Variants in MYO18B observed in about 807,000 individuals in gnomAD.
The protein encoded by MYO18B is myosin XVIIIB.
In MYO18B, 204 loss-of-function variants were observed where a neutral mutation model predicts 273.0. The ratio of observed to expected loss-of-function variants is 0.75; its 90% CI spans 0.67 to 0.84. The LOEUF (loss-of-function observed/expected upper bound fraction) is 0.84. Among genes scored for constraint, MYO18B ranks in the 40% least tolerant of loss-of-function variants. MYO18B has a pLI of 0.00. For synonymous variants in MYO18B, 1,330 were observed against 1,305.7 expected (o/e 1.02, Z -0.40); for missense variants, 3,212 against 3,287.6 (o/e 0.98, Z 0.56).
At chr22:25,822,771 T>A (rs2089330545) in intron 12 of MYO18B, among the ~76,000 whole-genome samples, 1 of 152,194 alleles carries the variant, frequency 6.6e-6, no homozygotes, top group Admixed American at 6.5e-5. Flanking sequence ...CTTACAACTT[T>A]AAGGGGTCCG....
At chr22:26,053,674 C>T in the MYO18B span, among the ~76,000 whole-genome samples, 1 of 152,134 alleles carries the variant, frequency 6.6e-6, no homozygotes, top group Non-Finnish European at 1.5e-5. Flanking sequence ...CTAGGAATTG[C>T]ATAAGGGTGA....
chr22:25,848,831 CAGA>C (rs894738637), intron 20 of MYO18B, among the ~76,000 whole-genome samples: 8 of 152,136 alleles, frequency 5.3e-5, no homozygotes, highest in Non-Finnish European at 1.0e-4. Flanking sequence ...CTGGGACAGG[CAGA>C]AGTCTCAGGT....
intron 25 of MYO18B, among the ~76,000 whole-genome samples, chr22:25,885,079 C>T (rs982022655): frequency 4.6e-5 from 7 of 152,158 alleles, no homozygotes; most frequent in Admixed American, 3.9e-4. Context: ...AATGCAAATT[C>T]AGTGAATGGA....
At chr22:25,811,338 T>G (rs1428458152) in intron 12 of MYO18B, among the ~76,000 whole-genome samples, 1 of 152,166 alleles carries the variant, frequency 6.6e-6, no homozygotes, top group Non-Finnish European at 1.5e-5. Context: ...CTTAAACTTT[T>G]GATTTGAAAT....
chr22:26,023,722 C>T (rs532293241), intron 42 of MYO18B, among the ~76,000 whole-genome samples: 3 of 152,196 alleles, frequency 2.0e-5, no homozygotes, highest in African/African-American at 4.8e-5. Context: ...TCATCACACC[C>T]GCCTCCTTTC....
chr22:25,914,423 A>G (rs1335304038), intron 33 of MYO18B, among the ~76,000 whole-genome samples: 3 of 151,984 alleles, frequency 2.0e-5, no homozygotes, highest in Non-Finnish European at 4.4e-5. Context: ...ATATTTTTCT[A>G]TACAGATCTT....
In MYO18B at chr22:25,968,935, G is replaced by A. The variant is rs140841425; in HGVS notation, c.6156+13571G>A. 2.9e-3 allele frequency among the ~76,000 whole-genome samples: 447 copies of A among 152,300 alleles called. 4 individuals are homozygous for A. Among genetic ancestry groups the A allele is most frequent in the African/African-American group, 9.2e-3 (383 of 41,560 alleles). On this transcript the variant is annotated intron_variant, in intron 39 of 43. Transcript: ENST00000335473. ...ATGGTGGCAGCTTCCTCTGAAACAA[G>A]CACATTCCTACACCCCAAGAGCAAT...
At chr22:25,799,131 TTG>T (rs61488241) in intron 12 of MYO18B, among the ~76,000 whole-genome samples, 4,327 of 145,230 alleles carry the variant, frequency 0.03, 130 homozygotes, top group African/African-American at 0.072. Context: ...GTGTTTACGT[TTG>T]TGTGTGTGTG....
rs77596072 is a variant in MYO18B at position 25,830,386 on chromosome 22, C to T, written c.2979+1418C>T. The stretch of plus-strand genomic sequence containing the variant: ...GTGTAGTGGCTTAGAAAAAAATCTT[C>T]GGTTGTTGCTCACAAGTGTCTGGAT... On this transcript the variant is annotated intron_variant, in intron 15 of 43. Transcript: ENST00000335473. 5.4e-3 allele frequency among the ~76,000 whole-genome samples: 829 copies of T among 152,258 alleles called. 11 individuals are homozygous for T. Among genetic ancestry groups the T allele is most frequent in the African/African-American group, 0.019 (792 of 41,532 alleles).
intron 11 of MYO18B, among the ~76,000 whole-genome samples, chr22:25,790,484 T>G (rs757579042): frequency 9.2e-5 from 14 of 152,196 alleles, no homozygotes; most frequent in Non-Finnish European, 1.8e-4. Flanking sequence ...CTCCCATCTC[T>G]GATCACACTG....
chr22:25,844,351 T>C (rs2090173480), intron 18 of MYO18B, among the ~76,000 whole-genome samples: 1 of 149,602 alleles, frequency 6.7e-6, no homozygotes, highest in Non-Finnish European at 1.5e-5. Context: ...GTTCAGAGGC[T>C]TATTGGAAAA....
At chr22:25,997,974 C>CGAGAG (rs1322312591) in intron 40 of MYO18B, among the ~76,000 whole-genome samples, 9 of 117,268 alleles carry the variant, frequency 7.7e-5, no homozygotes, top group African/African-American at 3.0e-4. Context: ...CACACACACA[C>CGAGAG]ACACGAGAGA....
intron 12 of MYO18B, among the ~76,000 whole-genome samples, chr22:25,816,740 A>G (rs1448982033): frequency 1.3e-5 from 2 of 152,228 alleles, no homozygotes; most frequent in Non-Finnish European, 2.9e-5. Context: ...GACTTTGCCA[A>G]CATCACGCGG....
chr22:26,017,864 C>T (rs1453511641), intron 42 of MYO18B, among the ~76,000 whole-genome samples: 2 of 151,896 alleles, frequency 1.3e-5, no homozygotes, highest in Non-Finnish European at 2.9e-5. Flanking sequence ...TATCCTTTTT[C>T]CCTGTTCTGT....
chr22:25,806,247 A>G (rs563462192), intron 12 of MYO18B, among the ~76,000 whole-genome samples: 1 of 152,330 alleles, frequency 6.6e-6, no homozygotes, highest in Admixed American at 6.5e-5. Context: ...GGGACCATGC[A>G]GGAGGACAGA....
In MYO18B at chr22:25,765,778, G is replaced by T. The variant is rs562324979; in HGVS notation, c.199-2337G>T. On this transcript the variant is annotated intron_variant, in intron 3 of 43. Transcript: ENST00000335473. ...TCCATGGGCATATGAGGGTGGGGTG[G>T]GAGGAGGCTGGCACTGGTTATCTTG... Among the ~76,000 whole-genome samples, 3 of 152,200 alleles carry T rather than the reference G, an allele frequency of 2.0e-5. No individual in the cohort carries two copies. In the East Asian group the frequency reaches 5.8e-4, roughly 29 times the overall value.
chr22:25,768,586 C>G lies in MYO18B; in HGVS notation c.670C>G (p.Pro224Ala), dbSNP rs534752839. Reference sequence around the variant, plus strand: ...GACCCGGACTGGGGGTCTTGGGGACCCAGGCCAAGGAACTGTGGCACTGAA... The same window carrying G: ...GACCCGGACTGGGGGTCTTGGGGACGCAGGCCAAGGAACTGTGGCACTGAA... ...EKTRTGGLGDPGQGTVALKKG... is the reference protein window; with the variant it reads ...EKTRTGGLGDAGQGTVALKKG... The change falls in exon 4 of 44, where the codon CCA becomes GCA. Residue 224 changes from proline (P) to alanine (A), a missense_variant. Transcript: ENST00000335473. The G allele has an allele frequency of 1.1e-4, 171 of 1,529,856 alleles. No individual in the cohort carries two copies. Among genetic ancestry groups the G allele is most frequent in the Non-Finnish European group, 1.4e-4 (163 of 1,143,350 alleles). The allele number at this position is 1,529,856 out of a possible 1,614,324, so 94.8% of individuals were successfully genotyped here. A position where few individuals can be genotyped will look rare whatever the true frequency, so the allele number is the denominator to read the frequency against.
intron 15 of MYO18B, among the ~76,000 whole-genome samples, chr22:25,831,363 G>A (rs1285975715): frequency 6.6e-6 from 1 of 152,102 alleles, no homozygotes. Context: ...AGCATTTCCT[G>A]GACATTTCTA....
At chr22:25,830,582 C>T (rs1179736081) in intron 15 of MYO18B, among the ~76,000 whole-genome samples, 1 of 152,134 alleles carries the variant, frequency 6.6e-6, no homozygotes, top group Non-Finnish European at 1.5e-5. Flanking sequence ...GTCCCTGTTC[C>T]ACAAATGTCC....
Sources: gnomAD v4.1 joint callset for allele counts (sites outside exome capture counted in the v4.1 genomes callset) on GRCh38, gnomAD v4.1.1 for gene constraint, MANE v1.5 for transcripts, NCBI Gene and HGNC (gene_info 2026-07-23, HGNC 2026-07-21) for gene names.